ABCC8: variants seen among roughly 807,000 people sequenced by gnomAD.
ABCC8 encodes ATP-binding cassette sub-family C member 8.
Under a neutral mutation model 188.0 loss-of-function variants are expected in ABCC8, and 137 were observed. The ratio of observed to expected loss-of-function variants is 0.73; its 90% CI spans 0.63 to 0.84. ABCC8 has a LOEUF of 0.84. ABCC8 is among the 40% of genes least tolerant of loss of function. The pLI is 0.00. For synonymous variants in ABCC8, 797 were observed against 846.5 expected (o/e 0.94, Z 1.01); for missense variants, 1,750 against 2,072.7 (o/e 0.84, Z 3.02).
At chr11:17,464,389 G>C (rs1327204276) in intron 3 of ABCC8, among the ~76,000 whole-genome samples, 2 of 152,230 alleles carry the variant, frequency 1.3e-5, no homozygotes, top group Non-Finnish European at 2.9e-5. Flanking sequence ...TTATACAGGG[G>C]TTAGTGGTGG....
At chr11:17,446,954 C>A (rs1245169550) in intron 8 of ABCC8, among the ~76,000 whole-genome samples, 2 of 152,192 alleles carry the variant, frequency 1.3e-5, no homozygotes, top group Non-Finnish European at 2.9e-5. Context: ...CAAACATGTG[C>A]AAGGTAGAGG....
In ABCC8 at chr11:17,395,227, C is replaced by A; in HGVS notation, c.4356G>T (p.Glu1452Asp). Residue 1452 changes from glutamate (E) to aspartate (D), a missense_variant, in exon 36 of 39, where the codon GAG becomes GAT. Glu to Asp is a conservative substitution (Grantham distance 45). Transcript: ENST00000389817. ...ERKCSDSTLW[E>D]ALEIAQLKLV... is the part of the protein sequence containing the mutation. ...GCTTCAGCTGGGCGATTTCCAGGGC[C>A]TCCCACAGTGTGCTATCTGAGCACT... 6.3e-7 allele frequency: 1 copy of A among 1,599,396 alleles called. No individual in the cohort carries two copies. The highest frequency in any genetic ancestry group is 8.5e-7 in the Non-Finnish European group (1 of 1,171,914).
intron 6 of ABCC8, among the ~76,000 whole-genome samples, chr11:17,458,940 G>T (rs1957090992): frequency 6.6e-6 from 1 of 152,134 alleles, no homozygotes; most frequent in African/African-American, 2.4e-5. Context: ...ATTTTATTTT[G>T]ATTTCTCTCC....
chr11:17,397,637 A>G (rs1343417769), intron 31 of ABCC8, 47 bp downstream of exon 31: 1 of 1,592,574 alleles, frequency 6.3e-7, no homozygotes, highest in Non-Finnish European at 8.5e-7. Flanking sequence ...GTGCTCCGGG[A>G]GTGCTGGTGT....
chr11:17,404,685 G>T lies in ABCC8; in HGVS notation c.3400-16C>A. 2 of 1,592,538 alleles carry T rather than the reference G, an allele frequency of 1.3e-6. No homozygotes were observed. The highest frequency in any genetic ancestry group is 2.3e-5 in the East Asian group (1 of 43,706). The stretch of plus-strand genomic sequence containing the variant: ...ATGGGATGTGCTGAGGGAGACGAGG[G>T]GGAGAGAGTGAGGTGAATTTTGGTA... On this transcript the variant is annotated splice_polypyrimidine_tract_variant and intron_variant, in intron 27 of 38. Transcript: ENST00000389817. This position sits in a 1 kb window ranked among gnomAD's most constrained non-coding sequence, Gnocchi z 4.7.
chr11:17,440,531 A>G (rs1564943193), intron 10 of ABCC8, among the ~76,000 whole-genome samples: 1 of 152,162 alleles, frequency 6.6e-6, no homozygotes, highest in African/African-American at 2.4e-5. Context: ...AGGGTCAGGG[A>G]TGAGGATAAC....
Position 17,442,774 on chromosome 11 carries a change from G to A in ABCC8, c.1576C>T (p.Arg526Cys), listed in dbSNP as rs751279984. 2.3e-5 allele frequency: 37 copies of A among 1,613,892 alleles called. No individual in the cohort carries two copies. The highest frequency in any genetic ancestry group is 2.5e-5 in the Non-Finnish European group (30 of 1,180,052). Residue 526 changes from arginine to cysteine, a missense_variant, in exon 10 of 39, where the codon CGC becomes TGC. Physicochemically the swap from Arg to Cys is radical, Grantham distance 180 (BLOSUM62 -3). Transcript: ENST00000389817. ...CTGAGGCTGGTCATCTCCTTCCTGC[G>A]GGTCGTCTCCACCCGCGTGCGGAAG... ...NIFRTRVETT[R>C]RKEMTSLRAF...
chr11:17,419,784 A>T (rs1353653920), intron 16 of ABCC8, among the ~76,000 whole-genome samples: 2 of 152,254 alleles, frequency 1.3e-5, no homozygotes, highest in African/African-American at 2.4e-5. Flanking sequence ...AAGAGGCAGC[A>T]TATGATAACA....
chr11:17,411,954 G>A (rs1304789082), intron 21 of ABCC8, among the ~76,000 whole-genome samples: 1 of 147,826 alleles, frequency 6.8e-6, no homozygotes, highest in African/African-American at 2.5e-5. Context: ...GTGCAGTGGT[G>A]CGATCTCGGC....
chr11:17,422,853 A>G (rs895956439), intron 16 of ABCC8, among the ~76,000 whole-genome samples: 1 of 152,062 alleles, frequency 6.6e-6, no homozygotes, highest in East Asian at 1.9e-4. Flanking sequence ...GCACAGAACT[A>G]TGTTCTTTAA....
intron 10 of ABCC8, among the ~76,000 whole-genome samples, chr11:17,438,574 G>T (rs571604382): frequency 1.3e-5 from 2 of 152,164 alleles, no homozygotes; most frequent in African/African-American, 4.8e-5. Context: ...GGACCCCTTT[G>T]TCACCTCTAC....
At chr11:17,424,574 G>C (rs1039199518) in intron 16 of ABCC8, among the ~76,000 whole-genome samples, 2 of 152,204 alleles carry the variant, frequency 1.3e-5, no homozygotes, top group Non-Finnish European at 2.9e-5. Context: ...AGGGCATGAG[G>C]GTGGGGGAGG....
At chr11:17,408,547 G>T in intron 22 of ABCC8, 30 bp from the exon 23 acceptor site, 1 of 1,598,910 alleles carries the variant, frequency 6.3e-7, no homozygotes. Flanking sequence ...CGTGGTTTGG[G>T]GGCTGGCTGG....
intron 26 of ABCC8, among the ~76,000 whole-genome samples, chr11:17,405,817 G>A (rs1021248157): frequency 2.0e-5 from 3 of 152,244 alleles, no homozygotes; most frequent in South Asian, 2.1e-4. Context: ...CTGCCGGCTC[G>A]GCCTGACTCA....
At chr11:17,399,926 G>A (rs4148641) in intron 29 of ABCC8, among the ~76,000 whole-genome samples, 56,902 of 152,100 alleles carry the variant, frequency 0.37, 14,212 homozygotes, top group African/African-American at 0.7. Context: ...CTGGGCTGCC[G>A]TCATCACTCT....
At chr11:17,474,368 A>G (rs1350920638) in intron 2 of ABCC8, among the ~76,000 whole-genome samples, 1 of 152,124 alleles carries the variant, frequency 6.6e-6, no homozygotes. Context: ...GCTGTAGCAG[A>G]GGTGTGAGGA....
chr11:17,461,783 C>T lies in ABCC8; in HGVS notation c.622G>A (p.Glu208Lys), dbSNP rs2133680513. 2 of 1,614,138 alleles carry T rather than the reference C, an allele frequency of 1.2e-6. No homozygotes were observed. The highest frequency in any genetic ancestry group is 1.7e-6 in the Non-Finnish European group (2 of 1,180,034). Residue 208 changes from glutamate (E) to lysine (K), a missense_variant, in exon 5 of 39, where the codon GAG (glutamate) becomes AAG (lysine). Glu to Lys is a moderately conservative substitution (Grantham distance 56). Coordinates refer to ENST00000389817, the MANE Select transcript of ABCC8 (RefSeq NM_000352.6). ...CGTACCCCCAGGTCTTGCAGGTCCT[C>T]GGGAGGCTTCACCTCCCTCGGTGTC... ...FKTPREVKPP[E>K]DLQDLGVRFL...
chr11:17,450,306 C>CTT (rs1175602646), intron 7 of ABCC8, among the ~76,000 whole-genome samples: 1 of 130,234 alleles, frequency 7.7e-6, no homozygotes, highest in Non-Finnish European at 1.6e-5. Flanking sequence ...TTCTTTCTTT[C>CTT]TTTCTTTCTT....
At chr11:17,450,261 T>TTTCTTTCTTC (rs1956719982) in intron 7 of ABCC8, among the ~76,000 whole-genome samples, 1 of 7,452 alleles carries the variant, frequency 1.3e-4, no homozygotes, top group Admixed American at 1.3e-3. Context: ...TCTTTCTTTC[T>TTTCTTTCTTC]CTTTCTTTCT....
Sources: gnomAD v4.1 joint callset for allele counts (sites outside exome capture counted in the v4.1 genomes callset) on GRCh38, gnomAD v4.1.1 for gene constraint, Gnocchi (gnomAD v3.1) non-coding constraint, MANE v1.5 for transcripts, NCBI Gene and HGNC (gene_info 2026-07-23, HGNC 2026-07-21) for gene names.